Variants in BIRC6 observed in about 807,000 individuals in gnomAD.
The protein encoded by BIRC6 is dual E2 ubiquitin-conjugating enzyme/E3 ubiquitin-protein ligase BIRC6.
A neutral mutation model predicts 503.3 loss-of-function variants in BIRC6; 98 were observed. The observed-to-expected ratio is 0.19, with a 90% CI of 0.17 to 0.23. The LOEUF (loss-of-function observed/expected upper bound fraction) is 0.23. BIRC6 is among the 10% of genes least tolerant of loss of function. The pLI, the probability that BIRC6 is intolerant of heterozygous loss-of-function variation, is 1.00. For missense variants in BIRC6, 5,360 were observed against 5,806.0 expected (o/e 0.92, Z 2.50); for synonymous variants, 2,240 against 2,078.7 (o/e 1.08, Z -2.11).
chr2:32,475,802 T>C (rs1257422334), intron 33 of BIRC6, among the ~76,000 whole-genome samples: 1 of 152,094 alleles, frequency 6.6e-6, no homozygotes, highest in African/African-American at 2.4e-5. Flanking sequence ...CAAATTTTAA[T>C]AAAAAATATA....
Position 32,503,218 on chromosome 2 carries a change from C to T in BIRC6, c.9481C>T (p.His3161Tyr), listed in dbSNP as rs774937054. The T allele has an allele frequency of 1.6e-5, 25 of 1,607,754 alleles. No individual in the cohort carries two copies. Among genetic ancestry groups the T allele is most frequent in the Non-Finnish European group, 2.0e-5 (24 of 1,177,882 alleles). Residue 3161 changes from histidine to tyrosine, a missense_variant, in exon 49 of 74, where the codon CAT becomes TAT. Physicochemically the swap from His to Tyr is moderately conservative, Grantham distance 83. This residue lies in a region of BIRC6 where 267 missense variants were observed against 287.6 expected (regional missense o/e 0.93). Transcript: ENST00000421745. ...ASEPDNAEGI[H>Y]NFAPLGTITS... The stretch of plus-strand genomic sequence containing the variant: ...TGAGCCTGACAATGCTGAAGGGATT[C>T]ATAACTTTGCACCCCTCGGTAAGAA...
intron 47 of BIRC6, 119 bp downstream of exon 47, chr2:32,502,007 C>A: frequency 2.9e-6 from 3 of 1,042,738 alleles, no homozygotes; most frequent in Non-Finnish European, 4.1e-6. Context: ...TGAAAAGCAT[C>A]AGTACAAGAG....
chr2:32,371,776 A>G (rs1475859522), intron 1 of BIRC6, among the ~76,000 whole-genome samples: 1 of 151,942 alleles, frequency 6.6e-6, no homozygotes, highest in Non-Finnish European at 1.5e-5. Flanking sequence ...TTAATAGGCT[A>G]TTGCTCCATG....
chr2:32,576,465 T>C (rs562386558), intron 66 of BIRC6, among the ~76,000 whole-genome samples: 1 of 152,344 alleles, frequency 6.6e-6, no homozygotes, highest in African/African-American at 2.4e-5. Flanking sequence ...TCCTCAAAGA[T>C]GGCCTAATTC....
chr2:32,567,368 G>C (rs111363470), intron 65 of BIRC6, among the ~76,000 whole-genome samples: 95 of 152,318 alleles, frequency 6.2e-4, no homozygotes, highest in African/African-American at 2.2e-3. Flanking sequence ...CAGAATGTCA[G>C]GAATTTGTCT....
At chr2:32,400,117 G>C (rs1292057737) in intron 6 of BIRC6, among the ~76,000 whole-genome samples, 1 of 151,810 alleles carries the variant, frequency 6.6e-6, no homozygotes, top group African/African-American at 2.4e-5. Context: ...TCTTAAACTT[G>C]TTATGTTTTT....
rs568997793 is a variant in BIRC6 at position 32,401,721 on chromosome 2, G to A, written c.1418+98G>A. ...AATAATTAAAGAGGAGGAAAAAAAA[G>A]TTACGCAGTTAAGAGATCAGAGAGT... is the stretch of plus-strand genomic sequence containing the variant. On this transcript the variant is annotated intron_variant, in intron 8 of 73. Coordinates refer to ENST00000421745, the MANE Select transcript of BIRC6 (RefSeq NM_016252.4). 11 of 1,077,318 alleles carry A rather than the reference G, an allele frequency of 1.0e-5. No homozygotes were observed. The East Asian group carries it at 2.9e-4, about 28-fold the overall frequency. The allele number at this position is 1,077,318 out of a possible 1,614,324, so 66.7% of individuals were successfully genotyped here.
At chr2:32,613,672 G>C (rs375496065) in intron 73 of BIRC6, among the ~76,000 whole-genome samples, 1 of 152,090 alleles carries the variant, frequency 6.6e-6, no homozygotes, top group East Asian at 1.9e-4. Context: ...TAGACTATTA[G>C]ATCATTTCAG....
intron 65 of BIRC6, chr2:32,565,535 A>C (rs1257446870): frequency 6.6e-6 from 1 of 152,190 alleles, no homozygotes; most frequent in Non-Finnish European, 1.5e-5. Context: ...CTATAGTACT[A>C]ATCTAACTAA....
intron 61 of BIRC6, among the ~76,000 whole-genome samples, chr2:32,537,738 G>A (rs554187914): frequency 6.6e-6 from 1 of 152,088 alleles, no homozygotes; most frequent in Non-Finnish European, 1.5e-5. Flanking sequence ...AGGCCGAGGC[G>A]GGCGGATCAC....
chr2:32,410,113 A>G (rs977403334), intron 9 of BIRC6, among the ~76,000 whole-genome samples: 5 of 152,228 alleles, frequency 3.3e-5, no homozygotes, highest in Admixed American at 1.3e-4. Flanking sequence ...TAGTATATAC[A>G]TAGACCAAAA....
chr2:32,585,290 A>G (rs534833921), intron 66 of BIRC6, among the ~76,000 whole-genome samples: 2 of 152,246 alleles, frequency 1.3e-5, no homozygotes, highest in Non-Finnish European at 2.9e-5. Flanking sequence ...AAATGTTCTG[A>G]TTGACGACTT....
chr2:32,433,704 T>C lies in BIRC6; in HGVS notation c.3309T>C (p.His1103=), dbSNP rs2044379792. The C allele has an allele frequency of 2.5e-6, 4 of 1,606,986 alleles. No homozygotes were observed. Among genetic ancestry groups the C allele is most frequent in the Non-Finnish European group, 3.4e-6 (4 of 1,175,006 alleles). ...TACCTAAAGCTTGTATGGTTGGACA[T>C]GTGGACTTCAAATTCGTTTTGAACT... ...LVLPKACMVG[H]VDFKFVLNSN... Residue 1103 remains histidine (H), a synonymous_variant, in exon 13 of 74, where the codon CAT becomes CAC. Coordinates refer to ENST00000421745, the MANE Select transcript of BIRC6 (RefSeq NM_016252.4).
chr2:32,586,630 G>A (rs1056279148), intron 66 of BIRC6, among the ~76,000 whole-genome samples: 2 of 151,644 alleles, frequency 1.3e-5, no homozygotes, highest in African/African-American at 4.8e-5. Flanking sequence ...TGCTGCCCAG[G>A]CTGGTCTTGA....
At position 32,402,639 on chromosome 2, in the gene BIRC6, A is replaced by C. The variant is rs76427095; in HGVS notation, c.1418+1016A>C. ...TTGATTAAAGCCTTGTGGTTGTTCTATTAATATAAATCTCTGTGAAAGCTT... is the reference window on the plus strand; with the variant it reads ...TTGATTAAAGCCTTGTGGTTGTTCTCTTAATATAAATCTCTGTGAAAGCTT... On this transcript the variant is annotated intron_variant, in intron 8 of 73. Transcript: ENST00000421745. Among the ~76,000 whole-genome samples the C allele has an allele frequency of 7.4e-3, 1,121 of 152,296 alleles. 8 individuals are homozygous for C. The highest frequency in any genetic ancestry group is 0.02 in the Middle Eastern group (6 of 294).
chr2:32,508,936 T>C (rs551732071), intron 51 of BIRC6, among the ~76,000 whole-genome samples: 1 of 152,004 alleles, frequency 6.6e-6, no homozygotes, highest in Non-Finnish European at 1.5e-5. Context: ...TACAAAAAAT[T>C]AGCCGGGCAT....
chr2:32,496,610 A>G (rs1283569898), intron 45 of BIRC6, among the ~76,000 whole-genome samples: 1 of 152,138 alleles, frequency 6.6e-6, no homozygotes, highest in Non-Finnish European at 1.5e-5. Context: ...CCCTTACAGT[A>G]TTTTTTGAAA....
At chr2:32,610,368 G>T (rs1370425909) in intron 72 of BIRC6, among the ~76,000 whole-genome samples, 1 of 152,128 alleles carries the variant, frequency 6.6e-6, no homozygotes, top group East Asian at 1.9e-4. Context: ...TTCAAAGATA[G>T]AATTGAAAGA....
intron 64 of BIRC6, chr2:32,548,914 T>A (rs934182420): frequency 6.5e-6 from 1 of 154,600 alleles, no homozygotes; most frequent in African/African-American, 2.4e-5. Flanking sequence ...CATCAGCTAA[T>A]TGAAGTTCGT....
Sources: allele counts gnomAD v4.1 joint callset (sites outside exome capture counted in the v4.1 genomes callset), GRCh38; gene constraint gnomAD v4.1.1; regional missense constraint gnomAD v4.1.1; transcripts MANE v1.5; gene names NCBI Gene and HGNC (gene_info 2026-07-23, HGNC 2026-07-21).